The following PLXNC1 variants were observed in gnomAD, a reference collection of about 807,000 sequenced individuals.
PLXNC1 encodes plexin-C1.
Under a neutral mutation model 178.2 loss-of-function variants are expected in PLXNC1, and 75 were observed. The ratio of observed to expected loss-of-function variants is 0.42; its 90% CI spans 0.35 to 0.51. The LOEUF (loss-of-function observed/expected upper bound fraction) is 0.51. PLXNC1 is among the 20% of genes least tolerant of loss of function. The pLI, the probability that PLXNC1 is intolerant of heterozygous loss-of-function variation, is 0.02. For synonymous variants in PLXNC1, 790 were observed against 779.9 expected (o/e 1.01, Z -0.22); for missense variants, 1,503 against 1,984.4 (o/e 0.76, Z 4.61).
At chr12:94,269,050 G>A (rs980249894) in intron 21 of PLXNC1, among the ~76,000 whole-genome samples, 5 of 152,150 alleles carry the variant, frequency 3.3e-5, no homozygotes, top group African/African-American at 1.2e-4. Flanking sequence ...GATTTCACAT[G>A]GGAGAAGGGA....
At chr12:94,182,952 A>G (rs149997593) in intron 3 of PLXNC1, among the ~76,000 whole-genome samples, 2 of 152,156 alleles carry the variant, frequency 1.3e-5, no homozygotes, top group African/African-American at 2.4e-5. Context: ...GGCTGTGACA[A>G]AAACTCAACC....
intron 1 of PLXNC1, among the ~76,000 whole-genome samples, chr12:94,151,573 T>C (rs7312751): frequency 0.63 from 95,705 of 152,068 alleles, 30,127 homozygotes; most frequent in East Asian, 0.67. Context: ...TTGGTAAAAT[T>C]ATCGTTTCCT....
intron 14 of PLXNC1, among the ~76,000 whole-genome samples, chr12:94,249,249 T>C (rs1964611593): frequency 6.6e-6 from 1 of 152,186 alleles, no homozygotes. Context: ...TATTTGTTTT[T>C]TTAGACAGAG....
chr12:94,240,458 G>A, intron 10 of PLXNC1, 27 bp from the exon 11 acceptor site: 2 of 1,582,620 alleles, frequency 1.3e-6, no homozygotes, highest in Non-Finnish European at 1.7e-6. Context: ...TGTGTCATGT[G>A]AGAGTTCTTT....
At chr12:94,194,470 GCTGGGATTACAGGCACATAATC>G (rs796814046) in intron 4 of PLXNC1, among the ~76,000 whole-genome samples, 23 of 152,306 alleles carry the variant, frequency 1.5e-4, no homozygotes, top group African/African-American at 5.3e-4. Context: ...GCAAAAAAGT[GCTGGGATTACAGGCACATAATC>G]CTGGGATTAC....
intron 4 of PLXNC1, among the ~76,000 whole-genome samples, chr12:94,188,116 G>T (rs1962587286): frequency 6.6e-6 from 1 of 151,962 alleles, no homozygotes; most frequent in African/African-American, 2.4e-5. Flanking sequence ...GAGAAGAAAA[G>T]AATGGATCCT....
chr12:94,238,489 A>G (rs956663293), intron 10 of PLXNC1, among the ~76,000 whole-genome samples: 4 of 58,512 alleles, frequency 6.8e-5, no homozygotes, highest in East Asian at 4.9e-4. Flanking sequence ...TCCCCCTTCG[A>G]AAAAAAAAAA....
chr12:94,207,152 GTTTGCTTTTTATT>G (rs1963324593), intron 4 of PLXNC1, among the ~76,000 whole-genome samples: 2 of 152,152 alleles, frequency 1.3e-5, no homozygotes. Flanking sequence ...TGGTGTCATG[GTTTGCTTTTTATT>G]TTTTCATTTT....
chr12:94,290,696 T>C (rs958558782), intron 23 of PLXNC1, among the ~76,000 whole-genome samples: 1 of 152,262 alleles, frequency 6.6e-6, no homozygotes, highest in Non-Finnish European at 1.5e-5. Context: ...GCTTGCTAGG[T>C]GGGCTAGTAC....
At chr12:94,238,026 A>C (rs902983359) in intron 10 of PLXNC1, among the ~76,000 whole-genome samples, 4 of 152,214 alleles carry the variant, frequency 2.6e-5, no homozygotes, top group African/African-American at 9.6e-5. Context: ...GTTATTCCCC[A>C]AAAATCTCAG....
chr12:94,290,278 T>G lies in PLXNC1; in HGVS notation c.3880-4208T>G, dbSNP rs1423075645. Among the ~76,000 whole-genome samples, 6 of 152,356 alleles carry G rather than the reference T, an allele frequency of 3.9e-5. 1 individual carries two copies. The East Asian group carries it at 7.7e-4, about 20-fold the overall frequency. ...ATTTTGTAACTATGTTCAAAGCTTC[T>G]CATAAACTCGGTGTCTGAGTATTGC... is the stretch of plus-strand genomic sequence containing the variant. On this transcript the variant is annotated intron_variant, in intron 23 of 30. Coordinates refer to ENST00000258526, the MANE Select transcript of PLXNC1 (RefSeq NM_005761.3).
intron 21 of PLXNC1, among the ~76,000 whole-genome samples, chr12:94,267,885 T>G (rs1431569782): frequency 6.6e-6 from 1 of 152,124 alleles, no homozygotes. Flanking sequence ...CTCCCAAGCA[T>G]GTACACCCAG....
At chr12:94,172,384 A>G (rs1026934756) in intron 2 of PLXNC1, among the ~76,000 whole-genome samples, 1 of 152,230 alleles carries the variant, frequency 6.6e-6, no homozygotes, top group African/African-American at 2.4e-5. Context: ...TACCACCACC[A>G]GTAAAAACCT....
At chr12:94,275,574 C>T (rs961076498) in intron 21 of PLXNC1, among the ~76,000 whole-genome samples, 6 of 86,858 alleles carry the variant, frequency 6.9e-5, no homozygotes, top group Non-Finnish European at 1.4e-4. Flanking sequence ...TGCTGTTTGG[C>T]CGGGCGCGGT....
chr12:94,162,472 G>A (rs889764845), intron 1 of PLXNC1, among the ~76,000 whole-genome samples: 2 of 152,138 alleles, frequency 1.3e-5, no homozygotes, highest in African/African-American at 4.8e-5. Context: ...GCATTGTGAT[G>A]GGAAGCCATT....
At chr12:94,173,715 A>C (rs778865443) in intron 2 of PLXNC1, among the ~76,000 whole-genome samples, 5 of 152,176 alleles carry the variant, frequency 3.3e-5, no homozygotes, top group Admixed American at 3.3e-4. Flanking sequence ...AGAGTTTGAG[A>C]GCTGGTTTTT....
chr12:94,261,562 C>T (rs1368111047), intron 20 of PLXNC1, among the ~76,000 whole-genome samples: 1 of 152,152 alleles, frequency 6.6e-6, no homozygotes, highest in African/African-American at 2.4e-5. Flanking sequence ...TAAATGTTGG[C>T]CGTTACGATT....
intron 28 of PLXNC1, 91 bp from the exon 29 acceptor site, chr12:94,303,665 T>C: frequency 8.6e-7 from 1 of 1,164,752 alleles, no homozygotes; most frequent in Non-Finnish European, 1.2e-6. Context: ...GGGGTTCAGC[T>C]ACATTGGAAT....
At position 94,266,911 on chromosome 12, in the gene PLXNC1, C is replaced by T. The variant is rs11833335; in HGVS notation, c.3597+1686C>T. Reference sequence around the variant, plus strand: ...ATATACCAGTGCCCGGGCTTTCCCTCGGGACTGACTGAATCAGAATCTCTG... The same window carrying T: ...ATATACCAGTGCCCGGGCTTTCCCTTGGGACTGACTGAATCAGAATCTCTG... On this transcript the variant is annotated intron_variant, in intron 21 of 30. Transcript: ENST00000258526. 2.8e-3 allele frequency among the ~76,000 whole-genome samples: 421 copies of T among 152,306 alleles called. 1 individual carries two copies. The highest frequency in any genetic ancestry group is 9.7e-3 in the African/African-American group (402 of 41,570).
Sources: gnomAD v4.1 joint callset for allele counts (sites outside exome capture counted in the v4.1 genomes callset) on GRCh38, gnomAD v4.1.1 for gene constraint, MANE v1.5 for transcripts, NCBI Gene and HGNC (gene_info 2026-07-23, HGNC 2026-07-21) for gene names.